The following GBE1 variants were observed in gnomAD, a reference collection of about 807,000 sequenced individuals.
GBE1 encodes 1,4-alpha-glucan-branching enzyme.
GBE1 carries 70 observed loss-of-function variants against 88.8 expected under a neutral mutation model. The observed-to-expected ratio is 0.79, with a 90% CI of 0.65 to 0.96. The LOEUF (loss-of-function observed/expected upper bound fraction) is 0.96, where lower values mean the gene tolerates loss of function less well. GBE1 is among the 40% of genes least tolerant of loss of function. The pLI, the probability that GBE1 is intolerant of heterozygous loss-of-function variation, is 0.00. For synonymous variants in GBE1, 284 were observed against 300.1 expected, an observed-to-expected ratio of 0.95 and a Z score of 0.56; for missense variants, 872 against 871.0, an observed-to-expected ratio of 1.00 and a Z score of -0.01.
chr3:81,635,892 T>C (rs899997154), intron 7 of GBE1, among the ~76,000 whole-genome samples: 2 of 152,186 alleles, frequency 1.3e-5, no homozygotes, highest in East Asian at 3.8e-4. Flanking sequence ...CAGCATGAGT[T>C]TGGATTTGAG....
At chr3:81,671,277 C>T (rs1476435820) in intron 2 of GBE1, among the ~76,000 whole-genome samples, 2 of 151,878 alleles carry the variant, frequency 1.3e-5, no homozygotes, top group African/African-American at 4.8e-5. Context: ...TTAGAAAACA[C>T]CATCAACAAA....
At chr3:81,737,422 T>TATATATTTATATATATAA (rs1706282063) in intron 1 of GBE1, among the ~76,000 whole-genome samples, 1 of 139,518 alleles carries the variant, frequency 7.2e-6, no homozygotes, top group African/African-American at 2.7e-5. Context: ...TTTATATAAA[T>TATATATTTATATATATAA]ATATATATTC....
chr3:81,611,243 A>G (rs1019098228), intron 7 of GBE1, among the ~76,000 whole-genome samples: 2 of 152,206 alleles, frequency 1.3e-5, no homozygotes, highest in African/African-American at 4.8e-5. Context: ...TGTACTGGGC[A>G]ATGGCTAAGA....
In GBE1 at chr3:81,537,020, C is replaced by T. The variant is rs774619760; in HGVS notation, c.1694G>A (p.Arg565Gln). ...GNNESYHYAR[R>Q]QFHLTDDDLL... ...GTCGTCGTCAGTTAAATGAAACTGCCGCCTGGCATAATGGTAACTCTCATT... is the reference window on the plus strand; with the variant it reads ...GTCGTCGTCAGTTAAATGAAACTGCTGCCTGGCATAATGGTAACTCTCATT... Residue 565 changes from arginine (R) to glutamine (Q), a missense_variant, in exon 13 of 16, where the codon CGG becomes CAG. Coordinates refer to ENST00000429644, the MANE Select transcript of GBE1 (RefSeq NM_000158.4). 1.3e-5 allele frequency: 20 copies of T among 1,587,022 alleles called. No homozygotes were observed. Among genetic ancestry groups the T allele is most frequent in the African/African-American group, 5.5e-5 (4 of 73,214 alleles).
chr3:81,751,680 A>G (rs1706530163), intron 1 of GBE1, among the ~76,000 whole-genome samples: 1 of 152,244 alleles, frequency 6.6e-6, no homozygotes, highest in Non-Finnish European at 1.5e-5. Context: ...GCTAAAGCCC[A>G]AACCACTGAC....
intron 7 of GBE1, among the ~76,000 whole-genome samples, chr3:81,610,184 A>G (rs979885585): frequency 6.6e-6 from 1 of 152,150 alleles, no homozygotes; most frequent in African/African-American, 2.4e-5. Context: ...TTTGAGTTTT[A>G]CCCTAGAGCA....
At chr3:81,595,793 G>C (rs1328811177) in intron 7 of GBE1, among the ~76,000 whole-genome samples, 1 of 151,778 alleles carries the variant, frequency 6.6e-6, no homozygotes, top group Non-Finnish European at 1.5e-5. Context: ...AATAAACTGT[G>C]TTTAAAATAT....
intron 2 of GBE1, among the ~76,000 whole-genome samples, chr3:81,687,216 C>T (rs1705454618): frequency 6.6e-6 from 1 of 151,978 alleles, no homozygotes; most frequent in Non-Finnish European, 1.5e-5. Context: ...GTCTTTCGTT[C>T]TAATATATTT....
intron 12 of GBE1, among the ~76,000 whole-genome samples, chr3:81,540,388 T>A (rs1703128962): frequency 6.6e-6 from 1 of 152,034 alleles, no homozygotes. Flanking sequence ...ATGATGCCCA[T>A]GGATACAGAT....
chr3:81,609,252 G>A (rs1264220240), intron 7 of GBE1, among the ~76,000 whole-genome samples: 11 of 152,094 alleles, frequency 7.2e-5, no homozygotes, highest in Non-Finnish European at 1.2e-4. Flanking sequence ...ATATGCCTAC[G>A]TGGCCAATTT....
chr3:81,761,418 T>G lies in GBE1; in HGVS notation c.100A>C (p.Ile34Leu), dbSNP rs774715256. 6.2e-7 allele frequency: 1 copy of G among 1,613,496 alleles called. No homozygotes were observed. Among genetic ancestry groups the G allele is most frequent in the Non-Finnish European group, 8.5e-7 (1 of 1,179,608 alleles). ...GCGTAGGGCTTCAAGTACGGGTCGATCTCCAGGAGTCTGGCCAGTTCGGGC... is the reference window on the plus strand; with the variant it reads ...GCGTAGGGCTTCAAGTACGGGTCGAGCTCCAGGAGTCTGGCCAGTTCGGGC... The part of the protein sequence containing the change: ...DVPELARLLE[I>L]DPYLKPYAVD... The change falls in exon 1 of 16, where the codon ATC becomes CTC. Residue 34 changes from isoleucine (I) to leucine (L), a missense_variant. Ile to Leu is a conservative substitution (Grantham distance 5, BLOSUM62 2). Coordinates refer to ENST00000429644, the MANE Select transcript of GBE1 (RefSeq NM_000158.4).
intron 3 of GBE1, among the ~76,000 whole-genome samples, chr3:81,662,361 T>C (rs1705044209): frequency 6.6e-6 from 1 of 152,190 alleles, no homozygotes; most frequent in Non-Finnish European, 1.5e-5. Flanking sequence ...TCTCAAATAA[T>C]AAAATTTAAA....
chr3:81,571,995 T>G (rs558584482), intron 12 of GBE1, among the ~76,000 whole-genome samples: 3 of 152,276 alleles, frequency 2.0e-5, no homozygotes, highest in East Asian at 1.9e-4. Flanking sequence ...TGAATTGTAA[T>G]TCCCATAATC....
chr3:81,655,657 C>T (rs1054792793), intron 3 of GBE1, among the ~76,000 whole-genome samples: 1 of 152,078 alleles, frequency 6.6e-6, no homozygotes, highest in Non-Finnish European at 1.5e-5. Context: ...GCTGGGATTA[C>T]AGGCACCTGC....
At chr3:81,662,030 T>A (rs186211731) in intron 3 of GBE1, among the ~76,000 whole-genome samples, 82 of 152,288 alleles carry the variant, frequency 5.4e-4, no homozygotes, top group Middle Eastern at 3.4e-3. Flanking sequence ...TTCATTTTTT[T>A]AATTTTATTT....
intron 11 of GBE1, among the ~76,000 whole-genome samples, chr3:81,578,391 C>T (rs1703677648): frequency 6.6e-6 from 1 of 151,606 alleles, no homozygotes; most frequent in Non-Finnish European, 1.5e-5. Flanking sequence ...TGAGCTGACA[C>T]CTCACATTTT....
intron 1 of GBE1, among the ~76,000 whole-genome samples, chr3:81,714,931 C>T (rs947897116): frequency 9.2e-5 from 14 of 152,070 alleles, no homozygotes; most frequent in Admixed American, 4.6e-4. Context: ...CCACTAATCA[C>T]GTCAGGAGAG....
chr3:81,593,659 T>A (rs937578995), intron 8 of GBE1, among the ~76,000 whole-genome samples: 1 of 152,070 alleles, frequency 6.6e-6, no homozygotes, highest in Non-Finnish European at 1.5e-5. Context: ...AGTGTTACAA[T>A]AAATGGTTTC....
At chr3:81,678,705 T>C (rs576367479) in intron 2 of GBE1, among the ~76,000 whole-genome samples, 7 of 152,240 alleles carry the variant, frequency 4.6e-5, no homozygotes, top group African/African-American at 1.4e-4. Context: ...TCTTCCAGGA[T>C]TGTACTCATT....
Sources: gnomAD v4.1 joint callset for allele counts (sites outside exome capture counted in the v4.1 genomes callset) on GRCh38, gnomAD v4.1.1 for gene constraint, MANE v1.5 for transcripts, NCBI Gene and HGNC (gene_info 2026-07-23, HGNC 2026-07-21) for gene names.